FAM169A: variants seen among roughly 807,000 people sequenced by gnomAD.
FAM169A encodes family with sequence similarity 169 member A.
Under a neutral mutation model 75.7 loss-of-function variants are expected in FAM169A, and 24 were observed. The observed-to-expected ratio is 0.32, with a 90% CI of 0.23 to 0.45. The LOEUF (loss-of-function observed/expected upper bound fraction) is 0.45. Among genes scored for constraint, FAM169A ranks in the 20% least tolerant of loss-of-function variants. FAM169A has a pLI of 1.00. For synonymous variants in FAM169A, 271 were observed against 271.0 expected (o/e 1.00, Z 0.00); for missense variants, 673 against 784.0 (o/e 0.86, Z 1.69).
chr5:74,795,712 T>G (rs537879081), intron 11 of FAM169A, among the ~76,000 whole-genome samples: 37 of 152,228 alleles, frequency 2.4e-4, no homozygotes, highest in Non-Finnish European at 5.0e-4. Context: ...TTATATCATT[T>G]GTGTATGTAA....
chr5:74,834,587 A>AGCT lies in FAM169A; in HGVS notation c.328_329insAGC (p.Thr109_Leu110insGln). Reference sequence around the variant, plus strand: ...AACATACAGAACCACTCTCTCCCCAAGAGTGCTCACCTACAAAGAGAGTCA... The same window carrying AGCT: ...AACATACAGAACCACTCTCTCCCCAAGCTGAGTGCTCACCTACAAAGAGAGTCA... On this transcript the variant is annotated inframe_insertion, in exon 5 of 13. Transcript: ENST00000687041. The AGCT allele has an allele frequency of 6.4e-7, 1 of 1,564,012 alleles. No individual in the cohort carries two copies. The highest frequency in any genetic ancestry group is 1.2e-5 in the South Asian group (1 of 80,828).
intron 11 of FAM169A, 149 bp downstream of exon 11, chr5:74,795,881 C>G: frequency 1.5e-6 from 1 of 660,314 alleles, no homozygotes; most frequent in Non-Finnish European, 2.4e-6. Flanking sequence ...ACTCTAGTAC[C>G]TGACCTTGCT....
intron 10 of FAM169A, chr5:74,799,544 C>T (rs1048454251): frequency 7.8e-6 from 12 of 1,530,216 alleles, no homozygotes; most frequent in Non-Finnish European, 1.1e-5. Context: ...GCCAGCATGC[C>T]CTGGGACAGC....
At chr5:74,838,790 A>G (rs1748700814) in intron 4 of FAM169A, among the ~76,000 whole-genome samples, 175 bp downstream of exon 4, 1 of 152,248 alleles carries the variant, frequency 6.6e-6, no homozygotes. Context: ...ATAGAATCAC[A>G]TAAAAATGGA....
intron 5 of FAM169A, among the ~76,000 whole-genome samples, chr5:74,834,193 G>A (rs566518673): frequency 7.2e-5 from 11 of 152,216 alleles, no homozygotes; most frequent in African/African-American, 2.6e-4. Flanking sequence ...CATATATATG[G>A]AGAAATCTTC....
At chr5:74,855,995 C>T (rs1019269880) in intron 1 of FAM169A, among the ~76,000 whole-genome samples, 9 of 152,184 alleles carry the variant, frequency 5.9e-5, no homozygotes, top group African/African-American at 1.9e-4. Context: ...CATTCTTCTG[C>T]GTATGGATAT....
chr5:74,832,430 T>G (rs997801349), intron 5 of FAM169A, among the ~76,000 whole-genome samples: 5 of 151,866 alleles, frequency 3.3e-5, no homozygotes, highest in African/African-American at 1.2e-4. Context: ...ATCAAGGCTA[T>G]TCTATGTCCT....
chr5:74,861,844 G>T (rs1398470932), intron 1 of FAM169A, among the ~76,000 whole-genome samples: 1 of 152,066 alleles, frequency 6.6e-6, no homozygotes, highest in African/African-American at 2.4e-5. Flanking sequence ...CATTATGCAC[G>T]TCAGCCAATG....
chr5:74,822,460 T>TAGAG (rs1747812134), intron 5 of FAM169A, among the ~76,000 whole-genome samples: 1 of 152,128 alleles, frequency 6.6e-6, no homozygotes, highest in Non-Finnish European at 1.5e-5. Context: ...CAGCTAACTT[T>TAGAG]CCTCTTATCT....
intron 5 of FAM169A, among the ~76,000 whole-genome samples, chr5:74,817,599 A>C (rs1290462456): frequency 1.3e-5 from 2 of 152,148 alleles, no homozygotes; most frequent in Non-Finnish European, 2.9e-5. Flanking sequence ...AGATGTCCAT[A>C]TTTCCCAATA....
intron 11 of FAM169A, among the ~76,000 whole-genome samples, chr5:74,785,878 C>T (rs1745671357): frequency 6.6e-6 from 1 of 152,192 alleles, no homozygotes; most frequent in South Asian, 2.1e-4. Flanking sequence ...AAATGCTCAA[C>T]ATCACTAATT....
chr5:74,858,149 A>C (rs968402358), intron 1 of FAM169A, among the ~76,000 whole-genome samples: 1 of 151,750 alleles, frequency 6.6e-6, no homozygotes, highest in Non-Finnish European at 1.5e-5. Context: ...GTACTTTGGG[A>C]GGCCAAGGCA....
chr5:74,801,556 A>G, intron 9 of FAM169A, 34 bp downstream of exon 9: 1 of 1,545,438 alleles, frequency 6.5e-7, no homozygotes, highest in Non-Finnish European at 8.9e-7. Context: ...GAAGTGTCTC[A>G]AATACTTACT....
intron 5 of FAM169A, among the ~76,000 whole-genome samples, chr5:74,815,398 C>G (rs1288568820): frequency 2.0e-5 from 3 of 152,034 alleles, no homozygotes; most frequent in Non-Finnish European, 4.4e-5. Flanking sequence ...ACCATGTTGA[C>G]TAGGCTGGTC....
At chr5:74,850,825 A>T (rs1420835685) in intron 1 of FAM169A, among the ~76,000 whole-genome samples, 3 of 152,244 alleles carry the variant, frequency 2.0e-5, no homozygotes, top group South Asian at 4.1e-4. Context: ...GCAAATAAAT[A>T]AGCAAAGGTC....
At chr5:74,795,920 C>T in intron 11 of FAM169A, 110 bp downstream of exon 11, 1 of 1,149,110 alleles carries the variant, frequency 8.7e-7, no homozygotes, top group South Asian at 1.8e-5. Flanking sequence ...ACACTAAACG[C>T]AATTTCTAAC....
intron 1 of FAM169A, among the ~76,000 whole-genome samples, chr5:74,849,166 A>G (rs545503530): frequency 2.0e-5 from 3 of 152,338 alleles, no homozygotes; most frequent in Admixed American, 6.5e-5. Flanking sequence ...GACCTCTTAT[A>G]TAAGAGATCT....
chr5:74,804,007 T>C (rs1008033913), intron 8 of FAM169A, among the ~76,000 whole-genome samples: 6 of 152,088 alleles, frequency 3.9e-5, no homozygotes, highest in Admixed American at 2.0e-4. Flanking sequence ...ATAAAATAGA[T>C]AATAGAATAG....
In FAM169A at chr5:74,779,737, G is replaced by A. The variant is rs1745318500; in HGVS notation, c.*1723C>T. On this transcript the variant is annotated 3_prime_UTR_variant, in exon 13 of 13. Coordinates refer to ENST00000687041, the MANE Select transcript of FAM169A (RefSeq NM_001376049.1). The stretch of plus-strand genomic sequence containing the variant: ...CCTTTGACTAATTAAAGAAAATATA[G>A]GGTAATACAATTGTTCAAAATCTAA... 6.6e-6 allele frequency: 1 copy of A among 151,934 alleles called. No homozygotes were observed. The highest frequency in any genetic ancestry group is 1.5e-5 in the Non-Finnish European group (1 of 68,004). The allele number at this position is 151,934 out of a possible 1,614,324, so 9.4% of individuals were successfully genotyped here.
Sources: allele counts gnomAD v4.1 joint callset (sites outside exome capture counted in the v4.1 genomes callset), GRCh38; gene constraint gnomAD v4.1.1; transcripts MANE v1.5; gene names NCBI Gene and HGNC (gene_info 2026-07-23, HGNC 2026-07-21).